Variants in RUNX1 observed in about 807,000 individuals in gnomAD.
RUNX1 encodes the protein runt-related transcription factor 1.
A neutral mutation model predicts 42.8 loss-of-function variants in RUNX1; 19 were observed. That is an observed-to-expected ratio of 0.44 (90% confidence interval 0.31 to 0.65). The LOEUF is 0.65. Ranked by LOEUF, RUNX1 falls within the 30% of genes least tolerant of loss-of-function variation. The probability of loss-of-function intolerance (pLI) is 0.07; values close to 1 mark genes in which losing one functional copy is unlikely to be tolerated. For synonymous variants in RUNX1, 271 were observed against 289.4 expected (o/e 0.94, Z 0.64); for missense variants, 528 against 672.0 (o/e 0.79, Z 2.37).
At chr21:34,919,433 T>G (rs1044281753) in intron 2 of RUNX1, among the ~76,000 whole-genome samples, 11 of 152,160 alleles carry the variant, frequency 7.2e-5, no homozygotes, top group Non-Finnish European at 1.2e-4. Context: ...GTTTTTGACT[T>G]CTTGACCTAC....
rs67348360 is a variant in RUNX1 at position 34,878,169 on chromosome 21, CAAA to C, written c.508+2385_508+2387del. Among the ~76,000 whole-genome samples, 149 of 111,630 alleles carry C rather than the reference CAAA, an allele frequency of 1.3e-3. 1 individual carries two copies. The highest frequency in any genetic ancestry group is 2.4e-3 in the Non-Finnish European group (118 of 50,142). The allele number at this position is 111,630 out of a possible 152,430, so 73.2% of individuals were successfully genotyped here. A position where few individuals can be genotyped will look rare whatever the true frequency, so the allele number is the denominator to read the frequency against. Reference sequence around the variant, plus strand: ...TCTCTTCCTAATGGGAAGCAAATTGCAAAAAAAAAAAAAAAGAAGAAGAAGGAA... The same window carrying C: ...TCTCTTCCTAATGGGAAGCAAATTGCAAAAAAAAAAAAGAAGAAGAAGGAA... On this transcript the variant is annotated intron_variant, in intron 5 of 8. Coordinates refer to ENST00000675419, the MANE Select transcript of RUNX1 (RefSeq NM_001754.5).
chr21:34,815,738 T>C lies in RUNX1; in HGVS notation c.806-16276A>G, dbSNP rs567465816. ...GAAGTGGTAGGTAAATCATGCACTC[T>C]TACTCTGGGGCCGAGATGTCTTACA... On this transcript the variant is annotated intron_variant, in intron 7 of 8. Coordinates refer to ENST00000675419, the MANE Select transcript of RUNX1 (RefSeq NM_001754.5). 7.2e-5 allele frequency among the ~76,000 whole-genome samples: 11 copies of C among 152,184 alleles called. No homozygotes were observed. The East Asian group carries it at 1.6e-3, about 21-fold the overall frequency.
At chr21:34,855,180 CA>C (rs1212212038) in intron 6 of RUNX1, among the ~76,000 whole-genome samples, 1 of 152,148 alleles carries the variant, frequency 6.6e-6, no homozygotes, top group Non-Finnish European at 1.5e-5. Flanking sequence ...ACCAGCCCCC[CA>C]AGACGGGTCA....
At chr21:34,974,432 A>G (rs1404378439) in intron 2 of RUNX1, among the ~76,000 whole-genome samples, 4 of 150,666 alleles carry the variant, frequency 2.7e-5, no homozygotes, top group Non-Finnish European at 4.4e-5. Flanking sequence ...TGTGGTTTTT[A>G]CTCAAAACCA....
intron 2 of RUNX1, among the ~76,000 whole-genome samples, chr21:34,985,698 T>G (rs1034050678): frequency 6.6e-6 from 1 of 152,162 alleles, no homozygotes; most frequent in Non-Finnish European, 1.5e-5. Context: ...CAGGGACTGT[T>G]ATGAATGGGG....
At chr21:34,853,112 A>G (rs1370896795) in intron 6 of RUNX1, among the ~76,000 whole-genome samples, 1 of 152,146 alleles carries the variant, frequency 6.6e-6, no homozygotes. Context: ...ACACCGGAAG[A>G]AGAGGTCTAT....
chr21:34,936,460 C>T (rs2058486358), intron 2 of RUNX1, among the ~76,000 whole-genome samples: 1 of 152,200 alleles, frequency 6.6e-6, no homozygotes, highest in Admixed American at 6.5e-5. Flanking sequence ...TGGTAGCTAA[C>T]CCATCTCCTG....
At position 34,792,078 on chromosome 21, in the gene RUNX1, C is replaced by G; in HGVS notation, c.*57G>C. On this transcript the variant is annotated 3_prime_UTR_variant, in exon 9 of 9. Coordinates refer to ENST00000675419, the MANE Select transcript of RUNX1 (RefSeq NM_001754.5). This position sits in a 1 kb window ranked among gnomAD's most constrained non-coding sequence, Gnocchi z 6.9. Reference sequence around the variant, plus strand: ...GGGCTTGTCGCGAACAGGAGGCCCGCGCGCCCGGAGGCGAAGGCGGCGGCC... The same window carrying G: ...GGGCTTGTCGCGAACAGGAGGCCCGGGCGCCCGGAGGCGAAGGCGGCGGCC... 8.9e-7 allele frequency: 1 copy of G among 1,125,632 alleles called. No individual in the cohort carries two copies. The highest frequency in any genetic ancestry group is 3.6e-5 in the East Asian group (1 of 27,872). 69.7% of individuals were successfully genotyped at this position (1,125,632 alleles called of 1,614,324 possible). A position where few individuals can be genotyped will look rare whatever the true frequency, so the allele number is the denominator to read the frequency against.
At chr21:34,947,161 G>A (rs2058569524) in intron 2 of RUNX1, among the ~76,000 whole-genome samples, 1 of 152,206 alleles carries the variant, frequency 6.6e-6, no homozygotes, top group South Asian at 2.1e-4. Context: ...TAAGATGTTT[G>A]AGTCTGGAGA....
intron 2 of RUNX1, among the ~76,000 whole-genome samples, chr21:34,979,407 T>C (rs1370950746): frequency 1.5e-4 from 23 of 152,106 alleles, no homozygotes; most frequent in Admixed American, 1.2e-3. Context: ...TTGAACAATA[T>C]TACAATATTT....
intron 2 of RUNX1, among the ~76,000 whole-genome samples, chr21:34,940,122 T>A (rs2058515836): frequency 6.6e-6 from 1 of 152,170 alleles, no homozygotes; most frequent in African/African-American, 2.4e-5. Context: ...GATGGTTTTT[T>A]TGCTGTGCAT....
chr21:34,806,374 A>G (rs549086510), intron 7 of RUNX1, among the ~76,000 whole-genome samples: 2 of 152,326 alleles, frequency 1.3e-5, no homozygotes, highest in East Asian at 3.9e-4. Context: ...AGGAAGGACA[A>G]TTTTCAGGGA....
chr21:34,803,461 G>A lies in RUNX1; in HGVS notation c.806-3999C>T, dbSNP rs186104445. On this transcript the variant is annotated intron_variant, in intron 7 of 8. Transcript: ENST00000675419. Reference sequence around the variant, plus strand: ...ACTCGGGAGGCTGAGGCAGGAGAATGGCATGAACCCAGGAGGTGGAGCTTG... The same window carrying A: ...ACTCGGGAGGCTGAGGCAGGAGAATAGCATGAACCCAGGAGGTGGAGCTTG... 2.0e-3 allele frequency among the ~76,000 whole-genome samples: 297 copies of A among 152,056 alleles called. 6 individuals carry two copies. The East Asian group carries it at 0.041, about 21-fold the overall frequency.
At chr21:34,960,548 A>C (rs1279601227) in intron 2 of RUNX1, among the ~76,000 whole-genome samples, 1 of 152,228 alleles carries the variant, frequency 6.6e-6, no homozygotes, top group Non-Finnish European at 1.5e-5. Flanking sequence ...AGTGTTATAA[A>C]TGTAAACCAG....
chr21:34,970,458 G>C (rs2058755667), intron 2 of RUNX1, among the ~76,000 whole-genome samples: 1 of 152,164 alleles, frequency 6.6e-6, no homozygotes, highest in Admixed American at 6.5e-5. Flanking sequence ...AGAAGAACAG[G>C]GGCACTGCTG....
At chr21:34,918,696 T>C (rs1244354181) in intron 2 of RUNX1, among the ~76,000 whole-genome samples, 1 of 152,134 alleles carries the variant, frequency 6.6e-6, no homozygotes, top group Admixed American at 6.5e-5. Context: ...GATCACAAGG[T>C]CAAGAGATCG....
chr21:34,984,904 T>G (rs1401088338), intron 2 of RUNX1, among the ~76,000 whole-genome samples: 1 of 152,068 alleles, frequency 6.6e-6, no homozygotes, highest in African/African-American at 2.4e-5. Flanking sequence ...AATACAGGGG[T>G]GACAGGATCT....
intron 7 of RUNX1, among the ~76,000 whole-genome samples, chr21:34,805,580 T>C (rs1430246665): frequency 6.6e-6 from 1 of 152,182 alleles, no homozygotes; most frequent in Non-Finnish European, 1.5e-5. Flanking sequence ...ACATGAAGTG[T>C]TGCAACAAAA....
chr21:34,811,733 G>A (rs371105835), intron 7 of RUNX1, among the ~76,000 whole-genome samples: 1 of 151,916 alleles, frequency 6.6e-6, no homozygotes, highest in African/African-American at 2.4e-5. Context: ...CACTAGGAGG[G>A]GCCTTGCCCC....
Sources: gnomAD v4.1 joint callset for allele counts (sites outside exome capture counted in the v4.1 genomes callset) on GRCh38, gnomAD v4.1.1 for gene constraint, Gnocchi (gnomAD v3.1) non-coding constraint, MANE v1.5 for transcripts, NCBI Gene and HGNC (gene_info 2026-07-23, HGNC 2026-07-21) for gene names.